Variants in FAR2 observed in about 807,000 individuals in gnomAD.
FAR2 encodes the protein fatty acyl-CoA reductase 2, also known as epididymis secretory protein Li 81.
Under a neutral mutation model 56.0 loss-of-function variants are expected in FAR2, and 19 were observed. That is an observed-to-expected ratio of 0.34 (90% confidence interval 0.24 to 0.50). The LOEUF is 0.50. Ranked by LOEUF, FAR2 falls within the 20% of genes least tolerant of loss-of-function variation. The pLI is 0.98. For missense variants in FAR2, 508 were observed against 642.2 expected (o/e 0.79, Z 2.26); for synonymous variants, 219 against 218.8 (o/e 1.00, Z -0.01).
At chr12:29,312,120 G>A (rs894427975) in intron 8 of FAR2, among the ~76,000 whole-genome samples, 170 bp downstream of exon 8, 1 of 152,164 alleles carries the variant, frequency 6.6e-6, no homozygotes, top group African/African-American at 2.4e-5. Flanking sequence ...AGAATGTACT[G>A]TGGTTACCAA....
intron 1 of FAR2, among the ~76,000 whole-genome samples, chr12:29,234,198 C>A (rs565560987): frequency 6.6e-6 from 1 of 152,254 alleles, no homozygotes; most frequent in South Asian, 2.1e-4. Flanking sequence ...ACTAGAATTT[C>A]CAACCCAAGC....
chr12:29,286,814 C>CT (rs1383143942), intron 2 of FAR2, among the ~76,000 whole-genome samples: 1 of 152,002 alleles, frequency 6.6e-6, no homozygotes, highest in Non-Finnish European at 1.5e-5. Context: ...GCAAAATTGT[C>CT]TTTAAGAACA....
chr12:29,254,960 A>AC (rs1197915542), intron 1 of FAR2, among the ~76,000 whole-genome samples: 1 of 151,962 alleles, frequency 6.6e-6, no homozygotes, highest in Non-Finnish European at 1.5e-5. Flanking sequence ...CAAAAAAAAA[A>AC]AAAAAAGTTT....
At chr12:29,157,136 A>ATATATAT (rs1949736106) in intron 1 of FAR2, 1 of 140,404 alleles carries the variant, frequency 7.1e-6, no homozygotes, top group African/African-American at 2.7e-5. Flanking sequence ...ATATATATAT[A>ATATATAT]TATATATATG....
rs5797309 is a variant in FAR2 at position 29,205,840 on chromosome 12, C to CTT, written c.-39+56443_-39+56444dup. 1.5e-3 allele frequency among the ~76,000 whole-genome samples: 218 copies of CTT among 149,484 alleles called. 1 individual carries two copies. The South Asian group carries it at 0.022, about 15-fold the overall frequency. ...GGTCCGGAACTTATTCTTGTTTTTG[C>CTT]TTTTTTTTTTTAATTAGCTGTATTT... On this transcript the variant is annotated intron_variant, in intron 1 of 11. Coordinates refer to ENST00000536681, the MANE Select transcript of FAR2 (RefSeq NM_001271783.2).
At chr12:29,251,860 T>G (rs1335314582) in intron 1 of FAR2, among the ~76,000 whole-genome samples, 1 of 152,128 alleles carries the variant, frequency 6.6e-6, no homozygotes. Flanking sequence ...AGAGCCAGGA[T>G]TCATGGGTCC....
chr12:29,256,761 C>T (rs900868664), intron 1 of FAR2, among the ~76,000 whole-genome samples: 4 of 152,210 alleles, frequency 2.6e-5, no homozygotes, highest in South Asian at 2.1e-4. Context: ...CTGCCAGCCC[C>T]GGCAATGAAG....
intron 1 of FAR2, among the ~76,000 whole-genome samples, chr12:29,255,072 T>C (rs1948296627): frequency 2.0e-5 from 3 of 152,230 alleles, no homozygotes; most frequent in African/African-American, 7.2e-5. Flanking sequence ...GTGTGTGTAT[T>C]ACTTTGCTTG....
At chr12:29,251,528 G>A (rs368005359) in intron 1 of FAR2, among the ~76,000 whole-genome samples, 1 of 152,184 alleles carries the variant, frequency 6.6e-6, no homozygotes, top group East Asian at 1.9e-4. Flanking sequence ...GTTTAGATCT[G>A]TCTCACAGTA....
At chr12:29,236,376 A>T (rs909297787) in intron 1 of FAR2, among the ~76,000 whole-genome samples, 3 of 152,170 alleles carry the variant, frequency 2.0e-5, no homozygotes, top group African/African-American at 7.2e-5. Flanking sequence ...TGAGAAAAGG[A>T]AGGATCCTGC....
At chr12:29,322,452 C>T (rs941317122) in intron 10 of FAR2, among the ~76,000 whole-genome samples, 9 of 152,178 alleles carry the variant, frequency 5.9e-5, no homozygotes, top group African/African-American at 1.2e-4. Context: ...AGTGCTGCAT[C>T]GTCGATCTCC....
chr12:29,210,579 C>T (rs151166808), intron 1 of FAR2, among the ~76,000 whole-genome samples: 5 of 152,346 alleles, frequency 3.3e-5, no homozygotes, highest in African/African-American at 1.2e-4. Flanking sequence ...TCCGCAGTGA[C>T]TTAGGCTTTC....
chr12:29,173,908 C>G (rs955908401), intron 1 of FAR2, among the ~76,000 whole-genome samples: 2 of 152,098 alleles, frequency 1.3e-5, no homozygotes, highest in African/African-American at 4.8e-5. Context: ...CTAACACATT[C>G]TCAAAAACCT....
At chr12:29,173,772 G>A (rs368328800) in intron 1 of FAR2, among the ~76,000 whole-genome samples, 1 of 151,846 alleles carries the variant, frequency 6.6e-6, no homozygotes, top group Non-Finnish European at 1.5e-5. Context: ...CCCTACCCAA[G>A]AACCCGCGAC....
At chr12:29,309,953 A>C (rs924235872) in intron 6 of FAR2, 1 of 152,236 alleles carries the variant, frequency 6.6e-6, no homozygotes, top group African/African-American at 2.4e-5. Flanking sequence ...AAATTTTATT[A>C]GGGATTTAGA....
At chr12:29,321,227 A>G (rs1388177848) in intron 9 of FAR2, among the ~76,000 whole-genome samples, 1 of 152,150 alleles carries the variant, frequency 6.6e-6, no homozygotes, top group African/African-American at 2.4e-5. Flanking sequence ...AGAAAGTACA[A>G]TAAAAATGAG....
Position 29,297,021 on chromosome 12 carries a change from A to C in FAR2, c.366A>C (p.Arg122Ser). The stretch of plus-strand genomic sequence containing the variant: ...TTTCCTTCTGCTTAATCTTCTCTAG[A>C]CATGCTGTGCAACTTAACGTCACTG... ...AATVRFDDTL[R>S]HAVQLNVTAT... Residue 122 changes from arginine to serine, a missense_variant and splice_region_variant, in exon 4 of 12, where the codon AGA becomes AGC. Arg to Ser is a moderately radical substitution (Grantham distance 110). Transcript: ENST00000536681. The C allele has an allele frequency of 1.9e-6, 3 of 1,603,228 alleles. No individual in the cohort carries two copies. The highest frequency in any genetic ancestry group is 2.6e-6 in the Non-Finnish European group (3 of 1,175,808).
intron 2 of FAR2, among the ~76,000 whole-genome samples, chr12:29,272,491 C>T (rs1032320810): frequency 1.3e-5 from 2 of 152,200 alleles, no homozygotes; most frequent in Admixed American, 1.3e-4. Context: ...TGGTCCTTCA[C>T]GTTCCTCTCT....
intron 10 of FAR2, among the ~76,000 whole-genome samples, chr12:29,327,496 T>C (rs561886024): frequency 1.7e-4 from 26 of 152,262 alleles, no homozygotes; most frequent in African/African-American, 6.0e-4. Flanking sequence ...CTACCTGACT[T>C]CAAACTATAC....
Sources: gnomAD v4.1 joint callset for allele counts (sites outside exome capture counted in the v4.1 genomes callset) on GRCh38, gnomAD v4.1.1 for gene constraint, MANE v1.5 for transcripts, NCBI Gene and HGNC (gene_info 2026-07-23, HGNC 2026-07-21) for gene names.